FCHO1: variants seen among roughly 807,000 people sequenced by gnomAD.
The protein encoded by FCHO1 is FCH and mu domain containing endocytic adaptor 1.
In FCHO1, 45 loss-of-function variants were observed where a neutral mutation model predicts 114.4. The observed-to-expected ratio is 0.39, with a 90% CI of 0.31 to 0.50. The LOEUF (loss-of-function observed/expected upper bound fraction) is 0.50, where lower values mean the gene tolerates loss of function less well. FCHO1 is among the 20% of genes least tolerant of loss of function. The pLI, the probability that FCHO1 is intolerant of heterozygous loss-of-function variation, is 0.77. For missense variants in FCHO1, 1,042 were observed against 1,209.6 expected (o/e 0.86, Z 2.06); for synonymous variants, 480 against 488.9 (o/e 0.98, Z 0.24).
chr19:17,755,012 A>C (rs1019784283), intron 3 of FCHO1, 106 bp from the exon 4 acceptor site: 34 of 777,502 alleles, frequency 4.4e-5, no homozygotes, highest in African/African-American at 6.8e-5. Context: ...TGGAGCTTTC[A>C]GTTCCTCCTT....
At position 17,783,177 on chromosome 19, in the gene FCHO1, T is replaced by C. The variant is rs186812006; in HGVS notation, c.2093+5T>C. The C allele has an allele frequency of 5.9e-4, 949 of 1,612,674 alleles. 1 individual carries two copies. In the African/African-American group the frequency reaches 8.0e-3, roughly 14 times the overall value. Reference sequence around the variant, plus strand: ...CAACGCCGATCTGCTGTTCAGGTACTATGGAGGGGCAGTGGGAGAGGGCCT... The same window carrying C: ...CAACGCCGATCTGCTGTTCAGGTACCATGGAGGGGCAGTGGGAGAGGGCCT... On this transcript the variant is annotated splice_donor_5th_base_variant and intron_variant, in intron 24 of 28. Transcript: ENST00000596536.
intron 11 of FCHO1, 33 bp from the exon 12 acceptor site, chr19:17,774,206 G>T (rs768217053): frequency 6.2e-7 from 1 of 1,611,650 alleles, no homozygotes; most frequent in Admixed American, 1.7e-5. Context: ...ACCGTGCCCA[G>T]CCCCTCAATT....
intron 24 of FCHO1, among the ~76,000 whole-genome samples, chr19:17,783,515 G>GC (rs2147390998): frequency 6.6e-6 from 1 of 151,914 alleles, no homozygotes; most frequent in African/African-American, 2.4e-5. Context: ...CAATCCGCCC[G>GC]CCTTGGCCTC....
intron 18 of FCHO1, among the ~76,000 whole-genome samples, chr19:17,777,901 T>C (rs2092843548): frequency 6.6e-6 from 1 of 152,122 alleles, no homozygotes; most frequent in Admixed American, 6.5e-5. Flanking sequence ...TAGCCGGGCA[T>C]GGTGGCAGGT....
At chr19:17,753,247 C>T (rs546317306) in intron 1 of FCHO1, among the ~76,000 whole-genome samples, 1 of 152,342 alleles carries the variant, frequency 6.6e-6, no homozygotes, top group East Asian at 1.9e-4. Flanking sequence ...GTAGCATGCT[C>T]ACCACCCTAC....
chr19:17,775,939 G>A lies in FCHO1; in HGVS notation c.1004-44G>A. 2 of 1,590,702 alleles carry A rather than the reference G, an allele frequency of 1.3e-6. No individual in the cohort carries two copies. Among genetic ancestry groups the A allele is most frequent in the Non-Finnish European group, 1.7e-6 (2 of 1,171,686 alleles). ...GGCTGGATTGGAGAGCTGACTGGGG[G>A]AAAGCTTGTGTTGGGATTGGCTTGG... On this transcript the variant is annotated intron_variant, in intron 15 of 28. Coordinates refer to ENST00000596536, the MANE Select transcript of FCHO1 (RefSeq NM_015122.3). The surrounding 1 kb of genome is among the most constrained non-coding windows in gnomAD (Gnocchi z 5.1).
chr19:17,755,358 C>G, intron 4 of FCHO1, 167 bp downstream of exon 4: 1 of 628,600 alleles, frequency 1.6e-6, no homozygotes, highest in Non-Finnish European at 2.8e-6. Context: ...TCCACACCCA[C>G]CCCAGACCTC....
intron 7 of FCHO1, 145 bp downstream of exon 7, chr19:17,766,955 T>TA (rs2089451739): frequency 4.2e-6 from 4 of 947,040 alleles, no homozygotes; most frequent in African/African-American, 1.7e-5. Flanking sequence ...CCCAGGGTCT[T>TA]ACGGACCTGA....
intron 6 of FCHO1, among the ~76,000 whole-genome samples, chr19:17,766,194 T>G (rs1226405749): frequency 6.7e-6 from 1 of 148,988 alleles, no homozygotes; most frequent in African/African-American, 2.5e-5. Context: ...TTTTTTTTTT[T>G]GAGATGGAGT....
rs959085228 is a variant in FCHO1, at chr19:17,775,122, G to A, written c.945+42G>A. On this transcript the variant is annotated intron_variant, in intron 14 of 28. Coordinates refer to ENST00000596536, the MANE Select transcript of FCHO1 (RefSeq NM_015122.3). The surrounding 1 kb of genome is among the most constrained non-coding windows in gnomAD (Gnocchi z 5.1). ...GGGTCAGGCTGGGCTACAAGTGGAAGGAGTTTGATCCCACTCTTGGCTCCT... is the reference window on the plus strand; with the variant it reads ...GGGTCAGGCTGGGCTACAAGTGGAAAGAGTTTGATCCCACTCTTGGCTCCT... 6.3e-7 allele frequency: 1 copy of A among 1,598,192 alleles called. No homozygotes were observed. Among genetic ancestry groups the A allele is most frequent in the Non-Finnish European group, 8.5e-7 (1 of 1,169,816 alleles).
chr19:17,771,781 G>A (rs1449931279), intron 9 of FCHO1, among the ~76,000 whole-genome samples: 1 of 152,178 alleles, frequency 6.6e-6, no homozygotes, highest in Non-Finnish European at 1.5e-5. Context: ...GAATCCATGT[G>A]CTCAAATAGT....
At chr19:17,753,168 G>A (rs927722813) in intron 1 of FCHO1, among the ~76,000 whole-genome samples, 4 of 152,202 alleles carry the variant, frequency 2.6e-5, no homozygotes, top group Admixed American at 2.6e-4. Context: ...AGATGCTTAG[G>A]GTCCTGGTCA....
In FCHO1 at chr19:17,778,137, C is replaced by T. The variant is rs1414999883; in HGVS notation, c.1260C>T (p.Ser420=). The change falls in exon 19 of 29, where the codon AGC becomes AGT. Residue 420 remains serine (S), a splice_region_variant and synonymous_variant. Transcript: ENST00000596536. The part of the protein sequence containing the change: ...QRPRSAPRTS[S]CAERLQSEEQ... ...GCCCTCTTGGCCTCACCCTCTCTAGCTGTGCAGAGAGATTGCAGTCAGAGG... is the reference window on the plus strand; with the variant it reads ...GCCCTCTTGGCCTCACCCTCTCTAGTTGTGCAGAGAGATTGCAGTCAGAGG... The T allele has an allele frequency of 2.5e-6, 4 of 1,610,240 alleles. No homozygotes were observed. Among genetic ancestry groups the T allele is most frequent in the Non-Finnish European group, 2.5e-6 (3 of 1,176,766 alleles).
chr19:17,774,097 C>T, intron 11 of FCHO1, 142 bp from the exon 12 acceptor site: 1 of 707,642 alleles, frequency 1.4e-6, no homozygotes, highest in East Asian at 2.8e-5. Context: ...TTAGCAGAGA[C>T]AGGGTTTCAC....
rs1343206195 is a variant in FCHO1 at position 17,784,060 on chromosome 19, G to A, written c.2094-43G>A. ...GATTGAATGCTGGGAGCCCTGGGAG[G>A]GCATGTCCCGAGGATTGGGGTGATC... On this transcript the variant is annotated intron_variant, in intron 24 of 28. Coordinates refer to ENST00000596536, the MANE Select transcript of FCHO1 (RefSeq NM_015122.3). The surrounding 1 kb of genome is among the most constrained non-coding windows in gnomAD (Gnocchi z 5.3). 3 of 1,588,300 alleles carry A rather than the reference G, an allele frequency of 1.9e-6. No homozygotes were observed. Among genetic ancestry groups the A allele is most frequent in the South Asian group, 1.1e-5 (1 of 89,148 alleles).
intron 23 of FCHO1, among the ~76,000 whole-genome samples, chr19:17,782,290 C>T (rs1298639912): frequency 5.3e-5 from 8 of 152,162 alleles, no homozygotes; most frequent in Non-Finnish European, 1.2e-4. Flanking sequence ...GCCACCTCTG[C>T]CTCCTGGGTT....
intron 5 of FCHO1, 142 bp from the exon 6 acceptor site, chr19:17,764,233 G>T (rs2087745741): frequency 2.7e-6 from 2 of 733,040 alleles, no homozygotes; most frequent in Non-Finnish European, 4.7e-6. Context: ...TAGAGACAGG[G>T]TTTCACCAAG....
At position 17,783,151 on chromosome 19, in the gene FCHO1, C is replaced by A; in HGVS notation, c.2072C>A (p.Pro691His). 1.2e-6 allele frequency: 2 copies of A among 1,614,140 alleles called. No individual in the cohort carries two copies. Among genetic ancestry groups the A allele is most frequent in the Non-Finnish European group, 1.7e-6 (2 of 1,180,000 alleles). ...ACAACCGCTATTGAGCACTTCCAGC[C>A]CAACGCCGATCTGCTGTTCAGGTAC... ...VHTTAIEHFQ[P>H]NADLLFSDPS... The change falls in exon 24 of 29, where the codon CCC becomes CAC. Residue 691 changes from proline (P) to histidine (H), a missense_variant. Around this residue, in one of 3 missense-constraint regions of FCHO1, gnomAD observed 455 missense variants for 455.4 expected, o/e 1.00. Coordinates refer to ENST00000596536, the MANE Select transcript of FCHO1 (RefSeq NM_015122.3).
At chr19:17,753,482 G>A (rs1476249188) in intron 1 of FCHO1, among the ~76,000 whole-genome samples, 1 of 152,160 alleles carries the variant, frequency 6.6e-6, no homozygotes, top group East Asian at 1.9e-4. Context: ...GACCATGCAG[G>A]ACGGTGATAT....
Sources: allele counts gnomAD v4.1 joint callset (sites outside exome capture counted in the v4.1 genomes callset), GRCh38; gene constraint gnomAD v4.1.1; regional missense constraint gnomAD v4.1.1; non-coding constraint Gnocchi (gnomAD v3.1); transcripts MANE v1.5; gene names NCBI Gene and HGNC (gene_info 2026-07-23, HGNC 2026-07-21).